BRINP1: variants seen among roughly 807,000 people sequenced by gnomAD.
BRINP1 encodes BMP/retinoic acid-inducible neural-specific protein 1.
Under a neutral mutation model 72.9 loss-of-function variants are expected in BRINP1, and 17 were observed. That is an observed-to-expected ratio of 0.23 (90% confidence interval 0.16 to 0.35). The LOEUF (loss-of-function observed/expected upper bound fraction) is 0.35. Ranked by LOEUF, BRINP1 falls within the 10% of genes least tolerant of loss-of-function variation. The probability of loss-of-function intolerance (pLI) is 1.00; values close to 1 mark genes in which losing one functional copy is unlikely to be tolerated. For synonymous variants in BRINP1, 418 were observed against 378.5 expected (o/e 1.10, Z -1.21); for missense variants, 850 against 1,001.6 (o/e 0.85, Z 2.04).
chr9:119,303,870 T>C (rs1236087872), intron 2 of BRINP1, among the ~76,000 whole-genome samples: 2 of 125,664 alleles, frequency 1.6e-5, no homozygotes, highest in African/African-American at 6.6e-5. Context: ...ACTATCTCTT[T>C]TTTTCTTTTT....
chr9:119,199,337 T>G (rs980056283), intron 7 of BRINP1, among the ~76,000 whole-genome samples: 1 of 152,152 alleles, frequency 6.6e-6, no homozygotes, highest in Non-Finnish European at 1.5e-5. Context: ...GTCATCAGAA[T>G]AGAGATAACG....
intron 1 of BRINP1, among the ~76,000 whole-genome samples, chr9:119,367,220 T>TTATATATA (rs1564259751): frequency 2.2e-5 from 1 of 44,810 alleles, no homozygotes; most frequent in East Asian, 3.5e-3. Context: ...TGTGTGTGAT[T>TTATATATA]GATATATATA....
intron 2 of BRINP1, among the ~76,000 whole-genome samples, chr9:119,284,474 G>T (rs969722658): frequency 1.3e-5 from 2 of 152,230 alleles, no homozygotes; most frequent in African/African-American, 2.4e-5. Context: ...CTCACTTTTG[G>T]GGGGGTGGTT....
rs150118827 is a variant in BRINP1, at chr9:119,315,782, G to T, written c.-50-2377C>A. On this transcript the variant is annotated intron_variant, in intron 1 of 7. Coordinates refer to ENST00000265922, the MANE Select transcript of BRINP1 (RefSeq NM_014618.3). ...TAAGAAAGCAAAACAGCCTAGTGTT[G>T]AATGAAGAGAGTTTTAGAGGTCTGG... Among the ~76,000 whole-genome samples the T allele has an allele frequency of 2.0e-5, 3 of 152,330 alleles. No individual in the cohort carries two copies. In the East Asian group the frequency reaches 5.8e-4, roughly 29 times the overall value.
chr9:119,240,838 T>TC (rs1197161475), intron 4 of BRINP1, among the ~76,000 whole-genome samples: 6 of 152,272 alleles, frequency 3.9e-5, no homozygotes, highest in East Asian at 1.9e-4. Flanking sequence ...TCACCGTTTT[T>TC]CCCTATAGAT....
intron 1 of BRINP1, among the ~76,000 whole-genome samples, chr9:119,328,026 A>T (rs10984488): frequency 0.09 from 13,631 of 152,250 alleles, 689 homozygotes; most frequent in Non-Finnish European, 0.1. Flanking sequence ...CTCATGAGTC[A>T]AGAGTAATGC....
At chr9:119,259,161 C>T (rs535580460) in intron 2 of BRINP1, among the ~76,000 whole-genome samples, 1 of 152,324 alleles carries the variant, frequency 6.6e-6, no homozygotes, top group African/African-American at 2.4e-5. Flanking sequence ...CATTCTGATA[C>T]TGTGGGATGA....
At chr9:119,297,371 T>C (rs953648785) in intron 2 of BRINP1, among the ~76,000 whole-genome samples, 1 of 152,136 alleles carries the variant, frequency 6.6e-6, no homozygotes, top group African/African-American at 2.4e-5. Context: ...CAGCGCCCTG[T>C]ATAGCCAGTG....
intron 2 of BRINP1, among the ~76,000 whole-genome samples, chr9:119,254,866 G>T (rs1830429015): frequency 6.6e-6 from 1 of 152,112 alleles, no homozygotes; most frequent in African/African-American, 2.4e-5. Context: ...AAATATATTT[G>T]GCCTATGGGA....
chr9:119,229,461 C>G (rs1380875652), intron 5 of BRINP1, among the ~76,000 whole-genome samples: 1 of 152,072 alleles, frequency 6.6e-6, no homozygotes, highest in African/African-American at 2.4e-5. Context: ...AGAACTAGTA[C>G]TGGAACTAAG....
At chr9:119,178,405 C>CA (rs1194353267) in intron 7 of BRINP1, among the ~76,000 whole-genome samples, 2 of 152,246 alleles carry the variant, frequency 1.3e-5, no homozygotes, top group African/African-American at 4.8e-5. Context: ...ATTAGAACCA[C>CA]AAAAAGCTCA....
intron 2 of BRINP1, among the ~76,000 whole-genome samples, chr9:119,272,146 T>A (rs1457644119): frequency 6.6e-6 from 1 of 151,216 alleles, no homozygotes; most frequent in Non-Finnish European, 1.5e-5. Flanking sequence ...TGGCGCGATC[T>A]TGGCTCAATG....
chr9:119,313,434 GA>G (rs547234751), intron 1 of BRINP1, 29 bp from the exon 2 acceptor site: 4 of 1,489,564 alleles, frequency 2.7e-6, no homozygotes, highest in Non-Finnish European at 3.6e-6. Flanking sequence ...AAAAGAGAGA[GA>G]AAAAAAGAGA....
intron 3 of BRINP1, among the ~76,000 whole-genome samples, chr9:119,244,813 C>T (rs1402095297): frequency 6.6e-6 from 1 of 152,182 alleles, no homozygotes; most frequent in Non-Finnish European, 1.5e-5. Context: ...CCTCTTCGCC[C>T]CACATAGGCC....
chr9:119,175,958 G>C (rs1207399355), intron 7 of BRINP1, among the ~76,000 whole-genome samples: 1 of 152,170 alleles, frequency 6.6e-6, no homozygotes, highest in Non-Finnish European at 1.5e-5. Flanking sequence ...TCCTCCACCT[G>C]CAAGCTGAGG....
intron 7 of BRINP1, among the ~76,000 whole-genome samples, chr9:119,169,609 C>G (rs961844610): frequency 1.3e-5 from 2 of 152,220 alleles, no homozygotes; most frequent in African/African-American, 4.8e-5. Context: ...CCGGGAAGCT[C>G]GAACTGGGTG....
intron 2 of BRINP1, among the ~76,000 whole-genome samples, chr9:119,304,190 G>A (rs1327632804): frequency 1.3e-5 from 2 of 152,024 alleles, no homozygotes; most frequent in Non-Finnish European, 1.5e-5. Flanking sequence ...GCTAAAGGCT[G>A]TCTTATATTC....
chr9:119,179,319 T>G (rs76475271), intron 7 of BRINP1, among the ~76,000 whole-genome samples: 1 of 152,316 alleles, frequency 6.6e-6, no homozygotes, highest in African/African-American at 2.4e-5. Context: ...TGGATGGGAT[T>G]TCAATTCATT....
intron 2 of BRINP1, among the ~76,000 whole-genome samples, chr9:119,310,179 T>C (rs924063557): frequency 6.6e-6 from 1 of 152,144 alleles, no homozygotes; most frequent in South Asian, 2.1e-4. Flanking sequence ...TCAAAGAAGT[T>C]CTGTTAGTTG....
Sources: allele counts gnomAD v4.1 joint callset (sites outside exome capture counted in the v4.1 genomes callset), GRCh38; gene constraint gnomAD v4.1.1; transcripts MANE v1.5; gene names NCBI Gene and HGNC (gene_info 2026-07-23, HGNC 2026-07-21).